Variants in NXF3 observed in about 807,000 individuals in gnomAD.
NXF3 encodes the protein nuclear RNA export factor 3.
Under a neutral mutation model 48.4 loss-of-function variants are expected in NXF3, and 34 were observed. The ratio of observed to expected loss-of-function variants is 0.70; its 90% CI spans 0.53 to 0.93. NXF3 has a LOEUF of 0.93. Ranked by LOEUF, NXF3 falls within the 40% of genes least tolerant of loss-of-function variation. NXF3 has a pLI of 0.00. For synonymous variants in NXF3, 132 were observed against 145.7 expected (o/e 0.91, Z 0.68); for missense variants, 359 against 406.1 (o/e 0.88, Z 1.00).
Position 103,079,599 on chromosome X carries a change from T to G in NXF3, c.1204A>C (p.Ile402Leu). Residue 402 changes from isoleucine (I) to leucine (L), a missense_variant, in exon 14 of 20, where the codon ATT (isoleucine) becomes CTT (leucine). Transcript: ENST00000395065. ...KFFKDSRNIKILKDPYLRGEL... is the reference protein window; with the variant it reads ...KFFKDSRNIKLLKDPYLRGEL... Reference sequence around the variant, plus strand: ...ACACACTTACAGGGGTCCTTGAGAATTTTTATATTCCTGCTATCCTTGAAG... The same window carrying G: ...ACACACTTACAGGGGTCCTTGAGAAGTTTTATATTCCTGCTATCCTTGAAG... 1.7e-6 allele frequency: 2 copies of G among 1,209,454 alleles called. No individual in the cohort carries two copies. Among genetic ancestry groups the G allele is most frequent in the Middle Eastern group, 4.6e-4 (2 of 4,352 alleles).
chrX:103,084,810 A>C lies in NXF3; in HGVS notation c.102T>G (p.Ser34=). The C allele has an allele frequency of 2.5e-6, 3 of 1,211,280 alleles. No homozygotes were observed. Among genetic ancestry groups the C allele is most frequent in the Non-Finnish European group, 3.4e-6 (3 of 894,725 alleles). The change falls in exon 2 of 20, where the codon TCT becomes TCG. Residue 34 remains serine (S), a synonymous_variant. Transcript: ENST00000395065. The part of the protein sequence containing the change: ...DIYQRRFSSR[S]EPVNPGMHSS... ...AATGCATGCCAGGATTGACAGGTTC[A>C]GACCTACTGCTAAATCTCCTTTGGT...
chrX:103,082,094 T>C (rs988381982), intron 9 of NXF3, 161 bp downstream of exon 9: 8 of 479,582 alleles, frequency 1.7e-5, no homozygotes, highest in Middle Eastern at 5.9e-4. Flanking sequence ...GGAAAGGAGA[T>C]GTCTAAGCAC....
chrX:103,080,329 C>G, intron 10 of NXF3, 113 bp from the exon 11 acceptor site: 1 of 792,984 alleles, frequency 1.3e-6, no homozygotes, highest in South Asian at 2.4e-5. Context: ...TGAAAGCGTT[C>G]TGGAAATTAC....
At chrX:103,076,598 A>G (rs1351379700) in intron 18 of NXF3, among the ~76,000 whole-genome samples, 1 of 111,594 alleles carries the variant, frequency 9.0e-6, no homozygotes, top group African/African-American at 3.3e-5. Flanking sequence ...TAAGATGGCT[A>G]TAAGATGAAA....
chrX:103,086,959 T>A (rs1979049695), intron 1 of NXF3, among the ~76,000 whole-genome samples: 1 of 112,302 alleles, frequency 8.9e-6, no homozygotes, highest in Admixed American at 9.4e-5. Context: ...CCTCGCCAGC[T>A]CCAGGTGTGT....
chrX:103,084,593 A>G (rs1922100543), intron 2 of NXF3, 98 bp from the exon 3 acceptor site: 5 of 1,128,770 alleles, frequency 4.4e-6, no homozygotes, highest in Non-Finnish European at 6.0e-6. Context: ...AGTTAAATCA[A>G]CCATTAATCG....
chrX:103,088,389 T>TAAAA (rs34088564), intron 1 of NXF3: 4 of 528,341 alleles, frequency 7.6e-6, no homozygotes, highest in East Asian at 3.7e-5. Context: ...CAATTGGCAA[T>TAAAA]AAAAAAAAAC....
Position 103,087,560 on chromosome X carries a change from A to C in NXF3, c.29-2677T>G, listed in dbSNP as rs1479308155. On this transcript the variant is annotated intron_variant, in intron 1 of 19. Coordinates refer to ENST00000395065, the MANE Select transcript of NXF3 (RefSeq NM_022052.2). ...GTCAGAAGACTGCTGGAGGCCAAAC[A>C]AGAAAAGTCAACATATGGAGTGTAT... 4 of 968,362 alleles carry C rather than the reference A, an allele frequency of 4.1e-6. No homozygotes were observed. The East Asian group carries it at 1.2e-4, about 30-fold the overall frequency. 79.8% of individuals were successfully genotyped at this position (968,362 alleles called of 1,213,427 possible). A position where few individuals can be genotyped will look rare whatever the true frequency, so the allele number is the denominator to read the frequency against.
At chrX:103,090,641 G>A (rs1268969228) in intron 1 of NXF3, among the ~76,000 whole-genome samples, 7 of 111,886 alleles carry the variant, frequency 6.3e-5, no homozygotes, top group Admixed American at 2.8e-4. Context: ...AAGAACAATT[G>A]TAAATTTTGC....
intron 9 of NXF3, 56 bp downstream of exon 9, chrX:103,082,199 A>G (rs1178161341): frequency 2.5e-6 from 2 of 804,155 alleles, no homozygotes; most frequent in Non-Finnish European, 3.8e-6. Context: ...CTCCTGCAGA[A>G]GGGCGCTATC....
At chrX:103,087,261 T>C in intron 1 of NXF3, 2 of 1,062,873 alleles carry the variant, frequency 1.9e-6, no homozygotes, top group Non-Finnish European at 2.6e-6. Flanking sequence ...ACAAAGTACC[T>C]AGAAACAGGC....
At chrX:103,088,887 C>T in intron 1 of NXF3, 2 of 1,191,720 alleles carry the variant, frequency 1.7e-6, no homozygotes, top group Non-Finnish European at 2.3e-6. Context: ...CCAACAATGT[C>T]AGGCTCCTGG....
chrX:103,077,417 A>C (rs1320830958), intron 18 of NXF3, among the ~76,000 whole-genome samples, 197 bp downstream of exon 18: 2 of 108,847 alleles, frequency 1.8e-5, no homozygotes, highest in Non-Finnish European at 3.8e-5. Flanking sequence ...CGCCCAGCTA[A>C]TTTTTTTTCT....
intron 1 of NXF3, among the ~76,000 whole-genome samples, chrX:103,091,846 A>G (rs1159927358): frequency 2.8e-5 from 3 of 108,857 alleles, no homozygotes; most frequent in African/African-American, 1.0e-4. Flanking sequence ...TTAGCCAGGC[A>G]TGGTGGCGGA....
intron 1 of NXF3, chrX:103,088,159 G>A: frequency 3.9e-6 from 4 of 1,026,626 alleles, no homozygotes; most frequent in Non-Finnish European, 4.1e-6. Flanking sequence ...AAAATTCCAA[G>A]CAGGTTCAAA....
intron 8 of NXF3, among the ~76,000 whole-genome samples, 162 bp from the exon 9 acceptor site, chrX:103,082,526 C>T (rs892142553): frequency 1.8e-5 from 2 of 111,783 alleles, no homozygotes; most frequent in African/African-American, 6.5e-5. Flanking sequence ...CTGAGTATTA[C>T]ACCTCATTTT....
intron 18 of NXF3, 44 bp from the exon 19 acceptor site, chrX:103,076,345 G>A (rs748898764): frequency 1.7e-6 from 2 of 1,173,909 alleles, no homozygotes; most frequent in Non-Finnish European, 2.3e-6. Context: ...GGACCCAAGT[G>A]CAGACACTCT....
At chrX:103,076,050 C>T in intron 19 of NXF3, 50 bp from the exon 20 acceptor site, 1 of 402,857 alleles carries the variant, frequency 2.5e-6, no homozygotes, top group Non-Finnish European at 4.3e-6. Flanking sequence ...GATTATGACA[C>T]TTAAGGATTT....
chrX:103,088,159 G>C, intron 1 of NXF3: 1 of 1,026,626 alleles, frequency 9.7e-7, no homozygotes, highest in Non-Finnish European at 1.4e-6. Context: ...AAAATTCCAA[G>C]CAGGTTCAAA....
Sources: allele counts gnomAD v4.1 joint callset (sites outside exome capture counted in the v4.1 genomes callset), GRCh38; gene constraint gnomAD v4.1.1; transcripts MANE v1.5; gene names NCBI Gene and HGNC (gene_info 2026-07-23, HGNC 2026-07-21).